EFCAB11: variants seen among roughly 807,000 people sequenced by gnomAD.
EFCAB11 encodes the protein EF-hand calcium-binding domain-containing protein 11.
A neutral mutation model predicts 23.0 loss-of-function variants in EFCAB11; 14 were observed. The observed-to-expected ratio is 0.61, with a 90% CI of 0.40 to 0.95. EFCAB11 has a LOEUF of 0.95. Ranked by LOEUF, EFCAB11 falls within the 40% of genes least tolerant of loss-of-function variation. The pLI, the probability that EFCAB11 is intolerant of heterozygous loss-of-function variation, is 0.00. For synonymous variants in EFCAB11, 65 were observed against 66.6 expected (o/e 0.98, Z 0.11); for missense variants, 198 against 195.8 (o/e 1.01, Z -0.07).
At position 89,940,535 on chromosome 14, in the gene EFCAB11, A is replaced by T. The variant is rs114727931; in HGVS notation, c.218-7908T>A. ...ACAAATTATTTTTCAATTGGACCTT[A>T]CACTGGATAGCAGTCACACAGTCCA... is the stretch of plus-strand genomic sequence containing the variant. On this transcript the variant is annotated intron_variant, in intron 3 of 5. Coordinates refer to ENST00000316738, the MANE Select transcript of EFCAB11 (RefSeq NM_145231.4). Among the ~76,000 whole-genome samples the T allele has an allele frequency of 3.9e-3, 598 of 152,374 alleles. 7 individuals are homozygous for T. The highest frequency in any genetic ancestry group is 0.014 in the African/African-American group (583 of 41,594).
chr14:89,853,944 T>C (rs750242412), intron 5 of EFCAB11, among the ~76,000 whole-genome samples: 1 of 152,008 alleles, frequency 6.6e-6, no homozygotes, highest in Non-Finnish European at 1.5e-5. Flanking sequence ...AAGCTACAAA[T>C]GAAAAAATGG....
intron 5 of EFCAB11, among the ~76,000 whole-genome samples, chr14:89,878,256 T>G (rs1228234854): frequency 6.6e-6 from 1 of 152,200 alleles, no homozygotes; most frequent in Non-Finnish European, 1.5e-5. Context: ...TTTTAGTTTT[T>G]ACAAAGTCAA....
chr14:89,800,668 A>G (rs560867829), intron 5 of EFCAB11, among the ~76,000 whole-genome samples: 6 of 152,224 alleles, frequency 3.9e-5, no homozygotes, highest in Non-Finnish European at 7.3e-5. Context: ...AGGCCCAATG[A>G]AATTAAAGGC....
At chr14:89,898,352 CGTTTTT>C (rs146989252) in intron 5 of EFCAB11, among the ~76,000 whole-genome samples, 7,817 of 151,982 alleles carry the variant, frequency 0.051, 472 homozygotes, top group East Asian at 0.19. Context: ...TTCTTTTTCT[CGTTTTT>C]GTTTTTGTTT....
In EFCAB11 at chr14:89,820,749, GGT is replaced by G. The variant is rs547850397; in HGVS notation, c.411-23427_411-23426del. Among the ~76,000 whole-genome samples, 112 of 151,956 alleles carry G rather than the reference GGT, an allele frequency of 7.4e-4. 3 individuals are homozygous for G. In the South Asian group the frequency reaches 0.023, roughly 31 times the overall value. Reference sequence around the variant, plus strand: ...CCTATGCAGTACTCAAAGTTTTAGGGGTATAAAAATGAGTAATAGATGTATGA... The same window carrying G: ...CCTATGCAGTACTCAAAGTTTTAGGGATAAAAATGAGTAATAGATGTATGA... On this transcript the variant is annotated intron_variant, in intron 5 of 5. Coordinates refer to ENST00000316738, the MANE Select transcript of EFCAB11 (RefSeq NM_145231.4).
chr14:89,891,686 A>AAC (rs148132532), intron 5 of EFCAB11, among the ~76,000 whole-genome samples: 26 of 150,512 alleles, frequency 1.7e-4, no homozygotes, highest in East Asian at 3.9e-4. Context: ...TTTAGACACA[A>AAC]ACACACACAC....
At chr14:89,879,490 G>C (rs1243862362) in intron 5 of EFCAB11, among the ~76,000 whole-genome samples, 2 of 150,430 alleles carry the variant, frequency 1.3e-5, no homozygotes, top group Non-Finnish European at 3.0e-5. Flanking sequence ...GCTATGGTAA[G>C]CTACACAAAA....
In EFCAB11 at chr14:89,809,069, G is replaced by A. The variant is rs73324948; in HGVS notation, c.411-11745C>T. ...ATGGGAGAAGAAAAAGGAACATACC[G>A]TGAGGGAGGTCTTACAAATTGCATA... On this transcript the variant is annotated intron_variant, in intron 5 of 5. Transcript: ENST00000316738. 6.1e-3 allele frequency among the ~76,000 whole-genome samples: 936 copies of A among 152,314 alleles called. 7 individuals are homozygous for A. The highest frequency in any genetic ancestry group is 0.022 in the African/African-American group (899 of 41,564).
At chr14:89,925,242 G>C (rs1890153104) in intron 5 of EFCAB11, among the ~76,000 whole-genome samples, 1 of 152,114 alleles carries the variant, frequency 6.6e-6, no homozygotes, top group African/African-American at 2.4e-5. Context: ...CAGGAATTTG[G>C]GACTGATGTA....
chr14:89,827,829 C>T (rs1362312972), intron 5 of EFCAB11, among the ~76,000 whole-genome samples: 4 of 151,938 alleles, frequency 2.6e-5, no homozygotes, highest in Non-Finnish European at 5.9e-5. Context: ...GACAGGGTTT[C>T]TCCATGTCGG....
At chr14:89,876,324 A>G (rs1249677137) in intron 5 of EFCAB11, among the ~76,000 whole-genome samples, 2 of 152,132 alleles carry the variant, frequency 1.3e-5, no homozygotes, top group African/African-American at 2.4e-5. Flanking sequence ...TTTAGATCAC[A>G]TCCTAAGGTC....
At chr14:89,901,190 C>T (rs1447118106) in intron 5 of EFCAB11, among the ~76,000 whole-genome samples, 1 of 152,218 alleles carries the variant, frequency 6.6e-6, no homozygotes, top group African/African-American at 2.4e-5. Flanking sequence ...ATGATAAACA[C>T]TTCTTGGTGT....
chr14:89,828,166 A>T (rs1375071846), intron 5 of EFCAB11, among the ~76,000 whole-genome samples: 1 of 152,112 alleles, frequency 6.6e-6, no homozygotes, highest in Non-Finnish European at 1.5e-5. Flanking sequence ...CATGTTTGTG[A>T]TCTCTAATTA....
intron 5 of EFCAB11, among the ~76,000 whole-genome samples, chr14:89,888,840 A>C (rs8004130): frequency 0.065 from 9,863 of 152,214 alleles, 1,057 homozygotes; most frequent in African/African-American, 0.22. Flanking sequence ...AGTTTATGGT[A>C]TTTTTATTAT....
At chr14:89,942,578 G>A (rs1890828831) in intron 3 of EFCAB11, among the ~76,000 whole-genome samples, 1 of 152,162 alleles carries the variant, frequency 6.6e-6, no homozygotes, top group African/African-American at 2.4e-5. Context: ...CCCTCTGAAA[G>A]AGGTAGCAAG....
intron 5 of EFCAB11, among the ~76,000 whole-genome samples, chr14:89,860,310 G>A (rs1043825542): frequency 3.9e-5 from 6 of 152,132 alleles, no homozygotes; most frequent in Non-Finnish European, 7.3e-5. Flanking sequence ...GTTGCAGTGA[G>A]CCGAGATCGC....
intron 5 of EFCAB11, chr14:89,831,097 T>C (rs933918868): frequency 6.6e-6 from 1 of 152,436 alleles, no homozygotes; most frequent in African/African-American, 2.4e-5. Flanking sequence ...GAGATGGTGG[T>C]GGAGGTTTGC....
In EFCAB11 at chr14:89,920,819, C is replaced by T. The variant is rs554990141; in HGVS notation, c.410+10722G>A. ...GTGGCTCACACCTGTGATCCCAGCA[C>T]TCCGGGAGTCCGAGGAGGGTGGATC... On this transcript the variant is annotated intron_variant, in intron 5 of 5. Transcript: ENST00000316738. Among the ~76,000 whole-genome samples the T allele has an allele frequency of 4.3e-4, 65 of 152,230 alleles. 1 individual carries two copies. Among genetic ancestry groups the T allele is most frequent in the Middle Eastern group, 3.4e-3 (1 of 294 alleles).
intron 5 of EFCAB11, among the ~76,000 whole-genome samples, chr14:89,849,209 G>C (rs1887521976): frequency 6.6e-6 from 1 of 152,110 alleles, no homozygotes; most frequent in Non-Finnish European, 1.5e-5. Flanking sequence ...TCACCTCTAG[G>C]TCTGTGCCCA....
Sources: gnomAD v4.1 joint callset for allele counts (sites outside exome capture counted in the v4.1 genomes callset) on GRCh38, gnomAD v4.1.1 for gene constraint, MANE v1.5 for transcripts, NCBI Gene and HGNC (gene_info 2026-07-23, HGNC 2026-07-21) for gene names.